The following TYW1B variants were observed in gnomAD, a reference collection of about 807,000 sequenced individuals.
The protein encoded by TYW1B is S-adenosyl-L-methionine-dependent tRNA 4-demethylwyosine synthase TYW1B.
TYW1B carries 73 observed loss-of-function variants against 86.9 expected under a neutral mutation model. The ratio of observed to expected loss-of-function variants is 0.84; its 90% CI spans 0.70 to 1.02. TYW1B has a LOEUF of 1.02. TYW1B is among the 50% of genes least tolerant of loss of function. TYW1B has a pLI of 0.00. For missense variants in TYW1B, 637 were observed against 827.4 expected (o/e 0.77, Z 2.82); for synonymous variants, 248 against 292.8 (o/e 0.85, Z 1.56).
At chr7:72,606,568 G>A (rs1811804164) in intron 13 of TYW1B, among the ~76,000 whole-genome samples, 1 of 151,066 alleles carries the variant, frequency 6.6e-6, no homozygotes, top group South Asian at 2.1e-4. Flanking sequence ...GAAGCTTAGT[G>A]GAGAACCAGG....
At chr7:72,746,116 G>A (rs188288871) in intron 7 of TYW1B, among the ~76,000 whole-genome samples, 16 of 152,040 alleles carry the variant, frequency 1.1e-4, no homozygotes, top group South Asian at 4.2e-4. Flanking sequence ...TGCCCGCCTC[G>A]ACCTCCCAAG....
intron 2 of TYW1B, among the ~76,000 whole-genome samples, chr7:72,818,556 G>C (rs1788768052): frequency 1.6e-5 from 2 of 121,582 alleles, no homozygotes; most frequent in Non-Finnish European, 3.1e-5. Context: ...TCCAGCCTGG[G>C]CAACTAAGCG....
chr7:72,634,929 T>C (rs1585865277), intron 11 of TYW1B, among the ~76,000 whole-genome samples: 2 of 152,234 alleles, frequency 1.3e-5, no homozygotes, highest in South Asian at 2.1e-4. Context: ...ATCCACTTTA[T>C]GGCTTCCTTT....
intron 13 of TYW1B, among the ~76,000 whole-genome samples, chr7:72,579,788 C>T (rs1346406092): frequency 5.9e-5 from 9 of 152,140 alleles, no homozygotes; most frequent in Non-Finnish European, 7.3e-5. Flanking sequence ...GTAGCTGAGA[C>T]TACAGGTACA....
At chr7:72,627,958 T>G (rs1812388471) in intron 12 of TYW1B, among the ~76,000 whole-genome samples, 1 of 152,134 alleles carries the variant, frequency 6.6e-6, no homozygotes, top group Non-Finnish European at 1.5e-5. Context: ...AGTTGAAAAT[T>G]TTTAGGTATG....
intron 12 of TYW1B, among the ~76,000 whole-genome samples, chr7:72,627,421 C>T (rs547051895): frequency 1.8e-4 from 28 of 152,000 alleles, no homozygotes; most frequent in African/African-American, 6.5e-4. Context: ...GTACTCCAGC[C>T]TGGGTGACAG....
chr7:72,743,202 C>G (rs537073508), intron 8 of TYW1B, among the ~76,000 whole-genome samples: 1 of 152,058 alleles, frequency 6.6e-6, no homozygotes, highest in Non-Finnish European at 1.5e-5. Flanking sequence ...GTAAATGAAG[C>G]CACGGAAATG....
chr7:72,593,058 T>C (rs1554431799), intron 13 of TYW1B, among the ~76,000 whole-genome samples: 4 of 152,084 alleles, frequency 2.6e-5, no homozygotes, highest in Non-Finnish European at 5.9e-5. Flanking sequence ...ATCCCAGCAC[T>C]TTGGGAGGCC....
chr7:72,616,572 G>C lies in TYW1B; in HGVS notation c.1785+100C>G, dbSNP rs1812076878. Reference sequence around the variant, plus strand: ...TTTTGGGAAAGGTAGCAAGCACGCAGATCATCCCTATAACAACGTAAGAGG... The same window carrying C: ...TTTTGGGAAAGGTAGCAAGCACGCACATCATCCCTATAACAACGTAAGAGG... On this transcript the variant is annotated intron_variant, in intron 13 of 13. Coordinates refer to ENST00000620995, the MANE Select transcript of TYW1B (RefSeq NM_001145440.3). The C allele has an allele frequency of 8.9e-6, 14 of 1,574,098 alleles. No individual in the cohort carries two copies. The Middle Eastern group carries it at 2.2e-3, about 250-fold the overall frequency.
At chr7:72,611,661 C>T (rs1554435952) in intron 13 of TYW1B, among the ~76,000 whole-genome samples, 1 of 152,162 alleles carries the variant, frequency 6.6e-6, no homozygotes, top group Non-Finnish European at 1.5e-5. Context: ...TGAAAACGGA[C>T]AAATACAGGG....
At chr7:72,676,662 A>C (rs1445395068) in intron 11 of TYW1B, among the ~76,000 whole-genome samples, 1 of 147,528 alleles carries the variant, frequency 6.8e-6, no homozygotes, top group Non-Finnish European at 1.5e-5. Context: ...TAAAGGCTTT[A>C]AAAAAAAAAA....
chr7:72,653,333 G>A (rs1173390185), intron 11 of TYW1B, among the ~76,000 whole-genome samples: 4 of 152,138 alleles, frequency 2.6e-5, no homozygotes, highest in East Asian at 1.9e-4. Context: ...GAGGGCGGGC[G>A]CAGTGGCTCA....
At chr7:72,815,529 T>C in intron 2 of TYW1B, 48 bp from the exon 3 acceptor site, 2 of 1,532,816 alleles carry the variant, frequency 1.3e-6, no homozygotes, top group Non-Finnish European at 8.9e-7. Flanking sequence ...ATGAGCCAAA[T>C]ATAGCCCTCA....
chr7:72,736,742 A>T (rs71553275), intron 8 of TYW1B, among the ~76,000 whole-genome samples: 348 of 152,312 alleles, frequency 2.3e-3, no homozygotes, highest in Non-Finnish European at 4.0e-3. Context: ...GCCTGTTGTG[A>T]TCGGCTTCTT....
intron 11 of TYW1B, among the ~76,000 whole-genome samples, chr7:72,691,724 G>A (rs764704298): frequency 1.3e-5 from 2 of 152,020 alleles, no homozygotes; most frequent in African/African-American, 2.4e-5. Context: ...ATCCAAGACC[G>A]CTTAGAAACT....
chr7:72,641,920 A>G (rs1812808705), intron 11 of TYW1B, among the ~76,000 whole-genome samples: 1 of 152,186 alleles, frequency 6.6e-6, no homozygotes. Flanking sequence ...GAACCCAAAG[A>G]CCCAAAATAA....
chr7:72,789,322 G>A (rs1788180457), intron 6 of TYW1B, among the ~76,000 whole-genome samples: 2 of 151,484 alleles, frequency 1.3e-5, no homozygotes, highest in African/African-American at 4.9e-5. Context: ...TTTTAGTAGA[G>A]ACAGGGTTTC....
At chr7:72,780,404 G>A (rs1469233121) in intron 6 of TYW1B, among the ~76,000 whole-genome samples, 4 of 152,122 alleles carry the variant, frequency 2.6e-5, no homozygotes, top group African/African-American at 7.2e-5. Flanking sequence ...AAATTGAAAA[G>A]ACATGGCAGT....
intron 11 of TYW1B, among the ~76,000 whole-genome samples, chr7:72,667,048 A>AAAAAAAAAAAAAG (rs60588106): frequency 2.4e-3 from 314 of 131,394 alleles, no homozygotes; most frequent in African/African-American, 3.6e-3. Context: ...AAAAAAAAAA[A>AAAAAAAAAAAAAG]AAAGAAACTA....
Sources: gnomAD v4.1 joint callset for allele counts (sites outside exome capture counted in the v4.1 genomes callset) on GRCh38, gnomAD v4.1.1 for gene constraint, MANE v1.5 for transcripts, NCBI Gene and HGNC (gene_info 2026-07-23, HGNC 2026-07-21) for gene names.